RALGAPA2: variants seen among roughly 807,000 people sequenced by gnomAD.
RALGAPA2 encodes ral GTPase-activating protein subunit alpha-2.
RALGAPA2 carries 139 observed loss-of-function variants against 230.4 expected under a neutral mutation model. That is an observed-to-expected ratio of 0.60 (90% confidence interval 0.53 to 0.69). The LOEUF (loss-of-function observed/expected upper bound fraction) is 0.69. RALGAPA2 is among the 30% of genes least tolerant of loss of function. RALGAPA2 has a pLI of 0.00. For missense variants in RALGAPA2, 2,163 were observed against 2,276.0 expected (o/e 0.95, Z 1.01); for synonymous variants, 847 against 837.8 (o/e 1.01, Z -0.19).
chr20:20,523,982 A>T (rs2063119679), intron 30 of RALGAPA2, among the ~76,000 whole-genome samples: 1 of 152,038 alleles, frequency 6.6e-6, no homozygotes, highest in Admixed American at 6.6e-5. Flanking sequence ...GGGGGGATGG[A>T]GTCTCGCTCT....
chr20:20,484,657 G>T (rs915625177), intron 36 of RALGAPA2, among the ~76,000 whole-genome samples: 1 of 152,140 alleles, frequency 6.6e-6, no homozygotes, highest in Non-Finnish European at 1.5e-5. Context: ...TGGAGTCAAT[G>T]ATTCTTAGTG....
At chr20:20,621,039 G>A (rs925573228) in intron 10 of RALGAPA2, among the ~76,000 whole-genome samples, 1 of 151,684 alleles carries the variant, frequency 6.6e-6, no homozygotes, top group South Asian at 2.1e-4. Flanking sequence ...TACTCAGGAG[G>A]CTGAGGCAAG....
intron 24 of RALGAPA2, among the ~76,000 whole-genome samples, chr20:20,545,033 AT>A (rs1243934428): frequency 2.6e-5 from 4 of 152,170 alleles, no homozygotes; most frequent in Non-Finnish European, 5.9e-5. Flanking sequence ...AAAAATGAGT[AT>A]TTCAATAAAG....
chr20:20,485,997 G>C (rs2061899129), intron 36 of RALGAPA2, among the ~76,000 whole-genome samples: 1 of 152,178 alleles, frequency 6.6e-6, no homozygotes, highest in East Asian at 1.9e-4. Context: ...AAATTAGCCA[G>C]GCATGGTGGT....
chr20:20,429,490 A>G (rs1310675820), intron 37 of RALGAPA2, among the ~76,000 whole-genome samples: 1 of 152,234 alleles, frequency 6.6e-6, no homozygotes, highest in African/African-American at 2.4e-5. Flanking sequence ...TACAATTGTC[A>G]TAAGAAGCTA....
At chr20:20,606,316 C>G (rs1348321275) in intron 14 of RALGAPA2, among the ~76,000 whole-genome samples, 1 of 152,124 alleles carries the variant, frequency 6.6e-6, no homozygotes, top group African/African-American at 2.4e-5. Flanking sequence ...CTCCAGTTAT[C>G]CTCTGTGTGC....
At chr20:20,396,998 T>C (rs1259486613) in intron 38 of RALGAPA2, among the ~76,000 whole-genome samples, 1 of 152,210 alleles carries the variant, frequency 6.6e-6, no homozygotes, top group Non-Finnish European at 1.5e-5. Context: ...TGTCAGGATC[T>C]ATGCATGCAG....
chr20:20,526,405 C>T (rs1426264037), intron 27 of RALGAPA2, 43 bp from the exon 28 acceptor site: 4 of 1,307,034 alleles, frequency 3.1e-6, no homozygotes, highest in Non-Finnish European at 4.3e-6. Context: ...CATAACTTAA[C>T]AGGTGTATCG....
intron 37 of RALGAPA2, among the ~76,000 whole-genome samples, chr20:20,438,810 T>G (rs1463776146): frequency 6.6e-6 from 1 of 152,194 alleles, no homozygotes; most frequent in Non-Finnish European, 1.5e-5. Flanking sequence ...AACAACTAAA[T>G]TCATATATAT....
intron 27 of RALGAPA2, among the ~76,000 whole-genome samples, chr20:20,526,643 T>C (rs1196005319): frequency 6.6e-6 from 1 of 152,230 alleles, no homozygotes; most frequent in Non-Finnish European, 1.5e-5. Context: ...ATAATTCAAA[T>C]TTCTTATTCA....
intron 9 of RALGAPA2, among the ~76,000 whole-genome samples, chr20:20,631,530 A>G (rs1309932051): frequency 6.6e-6 from 1 of 152,182 alleles, no homozygotes; most frequent in Non-Finnish European, 1.5e-5. Flanking sequence ...AAACTGGGAG[A>G]AAAGGTGGTG....
chr20:20,706,006 T>C (rs1262993482), intron 1 of RALGAPA2, among the ~76,000 whole-genome samples: 2 of 152,346 alleles, frequency 1.3e-5, no homozygotes, highest in African/African-American at 4.8e-5. Flanking sequence ...TAGTTTTATA[T>C]TGATACCCCG....
chr20:20,511,289 TAATTTTG>T lies in RALGAPA2; in HGVS notation c.4886_4892del (p.Ser1629TyrfsTer2). 6.4e-7 allele frequency: 1 copy of T among 1,567,248 alleles called. No individual in the cohort carries two copies. ...AGTCCAAATTTTTCAGCTCTCTCAATAATTTTGAATTTTTCTTCAATAGATGAAAATT... is the reference window on the plus strand; with the variant it reads ...AGTCCAAATTTTTCAGCTCTCTCAATAATTTTTCTTCAATAGATGAAAATT... On this transcript the variant is annotated frameshift_variant, in exon 33 of 40. Coordinates refer to ENST00000202677, the MANE Select transcript of RALGAPA2 (RefSeq NM_020343.4). LOFTEE classifies it high-confidence loss of function.
chr20:20,655,699 C>T (rs887530658), intron 3 of RALGAPA2, among the ~76,000 whole-genome samples: 3 of 152,012 alleles, frequency 2.0e-5, no homozygotes, highest in Non-Finnish European at 4.4e-5. Context: ...CTGGAGGCAG[C>T]TGAGAGGGGA....
At chr20:20,647,403 C>A (rs1162435678) in intron 4 of RALGAPA2, among the ~76,000 whole-genome samples, 3 of 152,014 alleles carry the variant, frequency 2.0e-5, no homozygotes, top group African/African-American at 7.3e-5. Flanking sequence ...CAGAGAACTT[C>A]CTGGCACTAC....
intron 12 of RALGAPA2, among the ~76,000 whole-genome samples, chr20:20,618,898 C>T (rs1229722868): frequency 6.6e-6 from 1 of 152,154 alleles, no homozygotes; most frequent in African/African-American, 2.4e-5. Context: ...AGGAATATTA[C>T]TTATAAGATT....
chr20:20,466,835 T>C (rs960862055), intron 37 of RALGAPA2, among the ~76,000 whole-genome samples: 1 of 152,236 alleles, frequency 6.6e-6, no homozygotes, highest in African/African-American at 2.4e-5. Context: ...GGCAGCTGAT[T>C]ATCCAAAGCC....
intron 37 of RALGAPA2, among the ~76,000 whole-genome samples, chr20:20,418,655 A>G (rs1238250119): frequency 6.6e-6 from 1 of 152,236 alleles, no homozygotes; most frequent in East Asian, 1.9e-4. Flanking sequence ...CATGTGTATT[A>G]ATAAGGATAA....
At position 20,535,944 on chromosome 20, in the gene RALGAPA2, G is replaced by C. The variant is rs1602690169; in HGVS notation, c.3415-141C>G. On this transcript the variant is annotated intron_variant, in intron 25 of 39. Transcript: ENST00000202677. Reference sequence around the variant, plus strand: ...AGCTCATCTATGAGTGAGAGCCTGGGGGGAAGAAGAACACTGGGCTCGGGG... The same window carrying C: ...AGCTCATCTATGAGTGAGAGCCTGGCGGGAAGAAGAACACTGGGCTCGGGG... 2.1e-5 allele frequency: 28 copies of C among 1,340,310 alleles called. No individual in the cohort carries two copies. In the East Asian group the frequency reaches 6.7e-4, roughly 32 times the overall value. 83.0% of individuals were successfully genotyped at this position (1,340,310 alleles called of 1,614,324 possible). A position where few individuals can be genotyped will look rare whatever the true frequency, so the allele number is the denominator to read the frequency against.
Sources: gnomAD v4.1 joint callset for allele counts (sites outside exome capture counted in the v4.1 genomes callset) on GRCh38, gnomAD v4.1.1 for gene constraint, MANE v1.5 for transcripts, NCBI Gene and HGNC (gene_info 2026-07-23, HGNC 2026-07-21) for gene names.